Variants in ATP10A observed in about 807,000 individuals in gnomAD.
ATP10A encodes the protein ATPase phospholipid transporting 10A (putative), also known as phospholipid-transporting ATPase VA.
ATP10A carries 111 observed loss-of-function variants against 147.8 expected under a neutral mutation model. The ratio of observed to expected loss-of-function variants is 0.75; its 90% confidence interval spans 0.64 to 0.88. The LOEUF is 0.88. Ranked by LOEUF, ATP10A falls within the 40% of genes least tolerant of loss-of-function variation. ATP10A has a pLI of 0.00. For synonymous variants in ATP10A, 875 were observed against 841.6 expected (o/e 1.04, Z -0.69); for missense variants, 1,927 against 1,959.0 (o/e 0.98, Z 0.31).
intron 1 of ATP10A, among the ~76,000 whole-genome samples, chr15:25,806,169 C>T (rs1356512372): frequency 2.6e-5 from 4 of 152,118 alleles, no homozygotes; most frequent in African/African-American, 7.2e-5. Context: ...CTTCCACCTC[C>T]TCCACCTCTC....
chr15:25,744,155 C>A (rs1368714839), intron 2 of ATP10A, among the ~76,000 whole-genome samples: 1 of 152,122 alleles, frequency 6.6e-6, no homozygotes, highest in East Asian at 1.9e-4. Flanking sequence ...CACGGTGCCA[C>A]TGCATCAAAC....
At chr15:25,769,158 T>G (rs2140657377) in intron 2 of ATP10A, among the ~76,000 whole-genome samples, 1 of 152,224 alleles carries the variant, frequency 6.6e-6, no homozygotes, top group Non-Finnish European at 1.5e-5. Context: ...TCCTAATTCC[T>G]TTTGATCCAC....
At chr15:25,759,994 G>T (rs1277398803) in intron 2 of ATP10A, among the ~76,000 whole-genome samples, 1 of 149,600 alleles carries the variant, frequency 6.7e-6, no homozygotes, top group Non-Finnish European at 1.5e-5. Flanking sequence ...TTGAGATGAA[G>T]TCTCACTCCG....
chr15:25,723,742 G>T, intron 6 of ATP10A, 149 bp downstream of exon 6: 2 of 607,478 alleles, frequency 3.3e-6, no homozygotes, highest in Non-Finnish European at 5.0e-6. Flanking sequence ...TGGTGATTTA[G>T]GCTGAAAAAT....
intron 9 of ATP10A, among the ~76,000 whole-genome samples, chr15:25,715,001 CAATT>C (rs1017203404): frequency 7.0e-6 from 1 of 143,548 alleles, no homozygotes; most frequent in African/African-American, 2.7e-5. Flanking sequence ...CACACACACA[CAATT>C]GTTAAAGTTT....
chr15:25,768,327 T>A (rs1889137352), intron 2 of ATP10A, among the ~76,000 whole-genome samples: 1 of 152,104 alleles, frequency 6.6e-6, no homozygotes, highest in Non-Finnish European at 1.5e-5. Context: ...AAAGATGTAA[T>A]CTGAGAAAAA....
Position 25,721,916 on chromosome 15 carries a change from G to A in ATP10A, c.1111-7C>T. The A allele has an allele frequency of 6.2e-7, 1 of 1,609,148 alleles. No individual in the cohort carries two copies. Among genetic ancestry groups the A allele is most frequent in the Non-Finnish European group, 8.5e-7 (1 of 1,175,766 alleles). On this transcript the variant is annotated splice_region_variant and splice_polypyrimidine_tract_variant and intron_variant, in intron 6 of 20. Transcript: ENST00000555815. ...AGGAAATTGGGATCAAAACCTGGAAGAGACAAGGCACACAGGATGAATGAC... is the reference window on the plus strand; with the variant it reads ...AGGAAATTGGGATCAAAACCTGGAAAAGACAAGGCACACAGGATGAATGAC...
intron 2 of ATP10A, among the ~76,000 whole-genome samples, chr15:25,771,646 A>T (rs1289513267): frequency 6.6e-6 from 1 of 152,152 alleles, no homozygotes; most frequent in Non-Finnish European, 1.5e-5. Flanking sequence ...CACCAACTGA[A>T]GTCTCACAGG....
rs117573681 is a variant in ATP10A at position 25,687,315 on chromosome 15, G to C, written c.3291+388C>G. On this transcript the variant is annotated intron_variant, in intron 16 of 20. Transcript: ENST00000555815. Reference sequence around the variant, plus strand: ...CATGCTCCTGAGAAACCTATGGACAGAGTGGTTAGGAGCCTGGGAGCAGGA... The same window carrying C: ...CATGCTCCTGAGAAACCTATGGACACAGTGGTTAGGAGCCTGGGAGCAGGA... Among the ~76,000 whole-genome samples, 633 of 152,244 alleles carry C rather than the reference G, an allele frequency of 4.2e-3. 1 individual carries two copies. Among genetic ancestry groups the C allele is most frequent in the Middle Eastern group, 6.8e-3 (2 of 292 alleles).
chr15:25,846,893 T>G (rs1893046882), intron 1 of ATP10A, among the ~76,000 whole-genome samples: 1 of 152,216 alleles, frequency 6.6e-6, no homozygotes, highest in Non-Finnish European at 1.5e-5. Context: ...ATGCATTACA[T>G]GCCGGTAATT....
At chr15:25,721,267 C>A (rs17116032) in intron 7 of ATP10A, among the ~76,000 whole-genome samples, 12,018 of 152,168 alleles carry the variant, frequency 0.079, 707 homozygotes, top group African/African-American at 0.15. Context: ...CAGTGCCCTT[C>A]TGAGGATTTT....
chr15:25,735,069 C>T (rs1329498946), intron 3 of ATP10A, among the ~76,000 whole-genome samples: 4 of 151,922 alleles, frequency 2.6e-5, no homozygotes, highest in African/African-American at 4.8e-5. Context: ...GGCCATTCAG[C>T]GGCTGCAGGC....
chr15:25,814,123 T>A (rs1891548362), intron 1 of ATP10A, among the ~76,000 whole-genome samples: 1 of 151,472 alleles, frequency 6.6e-6, no homozygotes. Context: ...ATAGGAAAAA[T>A]CTTGAAAACT....
At chr15:25,811,433 T>A (rs1018967548) in intron 1 of ATP10A, among the ~76,000 whole-genome samples, 1 of 151,980 alleles carries the variant, frequency 6.6e-6, no homozygotes, top group Non-Finnish European at 1.5e-5. Flanking sequence ...GAAGTAAGGA[T>A]GAGGAGACAA....
intron 1 of ATP10A, among the ~76,000 whole-genome samples, chr15:25,843,687 A>G (rs4906792): frequency 0.14 from 21,642 of 152,086 alleles, 1,892 homozygotes; most frequent in Middle Eastern, 0.31. Context: ...TCCTTTGGGG[A>G]TATTCAAGGA....
chr15:25,683,087 G>C (rs1456252668), intron 17 of ATP10A, among the ~76,000 whole-genome samples, 199 bp downstream of exon 17: 1 of 152,152 alleles, frequency 6.6e-6, no homozygotes, highest in African/African-American at 2.4e-5. Flanking sequence ...AGGGGGGACA[G>C]TTTCGCTTAC....
At chr15:25,731,664 G>T (rs1169318104) in intron 3 of ATP10A, among the ~76,000 whole-genome samples, 2 of 152,166 alleles carry the variant, frequency 1.3e-5, no homozygotes, top group Non-Finnish European at 2.9e-5. Flanking sequence ...AACAGCTGGA[G>T]AAGGTGGGGA....
At chr15:25,714,969 C>T (rs954456802) in intron 9 of ATP10A, among the ~76,000 whole-genome samples, 20 of 55,716 alleles carry the variant, frequency 3.6e-4, no homozygotes, top group Admixed American at 2.8e-3. Context: ...CACATATACA[C>T]ACACACACAC....
chr15:25,811,387 A>G (rs1453813014), intron 1 of ATP10A, among the ~76,000 whole-genome samples: 3 of 152,172 alleles, frequency 2.0e-5, no homozygotes, highest in Admixed American at 6.5e-5. Flanking sequence ...CAGAGCTGGG[A>G]GAAGAAAGGA....
Sources: gnomAD v4.1 joint callset for allele counts (sites outside exome capture counted in the v4.1 genomes callset) on GRCh38, gnomAD v4.1.1 for gene constraint, MANE v1.5 for transcripts, NCBI Gene and HGNC (gene_info 2026-07-23, HGNC 2026-07-21) for gene names.